NDFIP2: variants seen among roughly 807,000 people sequenced by gnomAD.
NDFIP2 encodes the protein NEDD4 family-interacting protein 2.
NDFIP2 carries 19 observed loss-of-function variants against 36.0 expected under a neutral mutation model. The ratio of observed to expected loss-of-function variants is 0.53; its 90% CI spans 0.37 to 0.77. The LOEUF is 0.77. NDFIP2 is among the 30% of genes least tolerant of loss of function. The pLI is 0.00. For missense variants in NDFIP2, 446 were observed against 435.8 expected, an observed-to-expected ratio of 1.02 and a Z score of -0.21; for synonymous variants, 181 against 167.7, an observed-to-expected ratio of 1.08 and a Z score of -0.61.
intron 2 of NDFIP2, among the ~76,000 whole-genome samples, chr13:79,527,044 AG>A (rs1874823921): frequency 6.6e-6 from 1 of 152,192 alleles, no homozygotes; most frequent in Non-Finnish European, 1.5e-5. Flanking sequence ...GGCTATTTGA[AG>A]ATCACTGGTG....
chr13:79,495,237 G>A (rs1252888274), intron 1 of NDFIP2, among the ~76,000 whole-genome samples: 2 of 151,806 alleles, frequency 1.3e-5, no homozygotes, highest in Non-Finnish European at 3.0e-5. Context: ...GTCAGATCAG[G>A]TTCATAATAT....
chr13:79,509,346 A>G (rs560661163), intron 1 of NDFIP2, among the ~76,000 whole-genome samples: 108 of 152,244 alleles, frequency 7.1e-4, no homozygotes, highest in African/African-American at 2.5e-3. Context: ...CTGATTGGCA[A>G]TTGGTTGAGT....
intron 1 of NDFIP2, among the ~76,000 whole-genome samples, chr13:79,513,164 G>T (rs1874143943): frequency 6.6e-6 from 1 of 152,166 alleles, no homozygotes; most frequent in Admixed American, 6.6e-5. Context: ...CCATGCCAAA[G>T]GAGTATCCTG....
rs567284156 is a variant in NDFIP2 at position 79,527,584 on chromosome 13, C to T, written c.488-5739C>T. Among the ~76,000 whole-genome samples, 14 of 152,198 alleles carry T rather than the reference C, an allele frequency of 9.2e-5. No individual in the cohort carries two copies. The South Asian group carries it at 1.7e-3, about 18-fold the overall frequency. ...GTAGCTGTCGTAAGGTTGCACTACT[C>T]GGTGTTTGTGGCAGTGTTGGTGTAA... On this transcript the variant is annotated intron_variant, in intron 2 of 7. Coordinates refer to ENST00000218652, the MANE Select transcript of NDFIP2 (RefSeq NM_019080.3).
chr13:79,520,620 T>C (rs1874532329), intron 1 of NDFIP2, among the ~76,000 whole-genome samples, 190 bp from the exon 2 acceptor site: 1 of 152,264 alleles, frequency 6.6e-6, no homozygotes, highest in South Asian at 2.1e-4. Context: ...AACTTCTTAA[T>C]AACTAAGTCT....
chr13:79,543,312 A>G (rs759611377), intron 4 of NDFIP2, among the ~76,000 whole-genome samples: 1 of 152,338 alleles, frequency 6.6e-6, no homozygotes, highest in East Asian at 1.9e-4. Flanking sequence ...ATTAATGATA[A>G]GCTTTCAGGA....
intron 1 of NDFIP2, among the ~76,000 whole-genome samples, chr13:79,501,201 A>T (rs891096840): frequency 6.6e-6 from 1 of 152,084 alleles, no homozygotes; most frequent in African/African-American, 2.4e-5. Context: ...GAGGATTTTT[A>T]GGACAGTGAA....
intron 5 of NDFIP2, 79 bp downstream of exon 5, chr13:79,543,761 C>G: frequency 1.3e-6 from 2 of 1,527,040 alleles, no homozygotes; most frequent in Non-Finnish European, 1.8e-6. Context: ...CATAAATGGT[C>G]ACTTTATTTT....
intron 1 of NDFIP2, among the ~76,000 whole-genome samples, chr13:79,496,694 T>A (rs1438810875): frequency 6.6e-6 from 1 of 151,860 alleles, no homozygotes; most frequent in African/African-American, 2.4e-5. Flanking sequence ...TTAAAGGGTT[T>A]AAACTCACTG....
chr13:79,531,657 G>T (rs1375380185), intron 2 of NDFIP2, among the ~76,000 whole-genome samples: 1 of 152,164 alleles, frequency 6.6e-6, no homozygotes, highest in Non-Finnish European at 1.5e-5. Context: ...ACCAACCTCT[G>T]CCAGCTGCCA....
intron 1 of NDFIP2, among the ~76,000 whole-genome samples, chr13:79,490,129 T>A (rs1873168686): frequency 6.6e-6 from 1 of 152,120 alleles, no homozygotes; most frequent in Non-Finnish European, 1.5e-5. Flanking sequence ...GCTGTCACCT[T>A]GCCTTTCCCT....
At chr13:79,542,340 A>C (rs1875487343) in intron 4 of NDFIP2, among the ~76,000 whole-genome samples, 1 of 152,206 alleles carries the variant, frequency 6.6e-6, no homozygotes, top group Non-Finnish European at 1.5e-5. Flanking sequence ...ACCTTAAAAT[A>C]ATTAGAAGGG....
intron 2 of NDFIP2, among the ~76,000 whole-genome samples, chr13:79,522,474 T>C (rs918086304): frequency 3.9e-5 from 6 of 152,232 alleles, no homozygotes; most frequent in East Asian, 3.8e-4. Flanking sequence ...TATTGCTGTG[T>C]AACAAACTAC....
intron 2 of NDFIP2, among the ~76,000 whole-genome samples, chr13:79,523,104 A>G (rs547104978): frequency 6.6e-6 from 1 of 152,272 alleles, no homozygotes; most frequent in South Asian, 2.1e-4. Flanking sequence ...AATTACAGCA[A>G]GCCCCCTTAT....
chr13:79,505,139 A>G (rs923236952), intron 1 of NDFIP2, among the ~76,000 whole-genome samples: 3 of 152,196 alleles, frequency 2.0e-5, no homozygotes, highest in South Asian at 4.1e-4. Flanking sequence ...AGTGGGAGAA[A>G]ACTGACCAAC....
chr13:79,501,289 C>G (rs1412187338), intron 1 of NDFIP2, among the ~76,000 whole-genome samples: 3 of 151,856 alleles, frequency 2.0e-5, no homozygotes, highest in Non-Finnish European at 4.4e-5. Context: ...AAGAGTGACT[C>G]TAATGTAAAC....
At chr13:79,541,687 C>CT (rs1402985641) in intron 4 of NDFIP2, among the ~76,000 whole-genome samples, 5 of 151,856 alleles carry the variant, frequency 3.3e-5, no homozygotes, top group African/African-American at 1.2e-4. Flanking sequence ...TCTTAAATAT[C>CT]TAATAGCTAC....
chr13:79,531,686 C>T (rs1875022325), intron 2 of NDFIP2, among the ~76,000 whole-genome samples: 2 of 152,206 alleles, frequency 1.3e-5, no homozygotes, highest in African/African-American at 4.8e-5. Flanking sequence ...TCTTTACCTT[C>T]CTCACTTCTC....
chr13:79,509,973 C>T (rs1014107327), intron 1 of NDFIP2, among the ~76,000 whole-genome samples: 2 of 152,188 alleles, frequency 1.3e-5, no homozygotes, highest in Non-Finnish European at 2.9e-5. Context: ...GTCTGCCTCT[C>T]CCAGCCCACT....
Sources: gnomAD v4.1 joint callset for allele counts (sites outside exome capture counted in the v4.1 genomes callset) on GRCh38, gnomAD v4.1.1 for gene constraint, MANE v1.5 for transcripts, NCBI Gene and HGNC (gene_info 2026-07-23, HGNC 2026-07-21) for gene names.